Variants in EYS observed in about 807,000 individuals in gnomAD.
EYS encodes the protein EGF-like photoreceptor maintenance factor, also known as protein eyes shut homolog.
A neutral mutation model predicts 282.1 loss-of-function variants in EYS; 250 were observed. The observed-to-expected ratio is 0.89, with a 90% confidence interval of 0.80 to 0.98. The LOEUF (loss-of-function observed/expected upper bound fraction) is 0.98. Ranked by LOEUF, EYS falls within the 50% of genes least tolerant of loss-of-function variation. EYS has a pLI of 0.00. For synonymous variants in EYS, 1,355 were observed against 1,282.9 expected (o/e 1.06, Z -1.20); for missense variants, 4,016 against 3,709.0 (o/e 1.08, Z -2.15).
intron 14 of EYS, among the ~76,000 whole-genome samples, chr6:64,989,994 A>C (rs759904957): frequency 4.0e-5 from 6 of 151,216 alleles, no homozygotes; most frequent in Non-Finnish European, 5.9e-5. Context: ...AGGTACACAC[A>C]AATGTACAGG....
intron 13 of EYS, among the ~76,000 whole-genome samples, chr6:65,043,191 C>T (rs1772991074): frequency 6.6e-6 from 1 of 151,470 alleles, no homozygotes; most frequent in Admixed American, 6.6e-5. Context: ...ATATCTATTA[C>T]TTCATTTATC....
intron 26 of EYS, among the ~76,000 whole-genome samples, chr6:64,522,727 G>A (rs972683546): frequency 1.5e-4 from 22 of 151,702 alleles, no homozygotes; most frequent in Non-Finnish European, 2.1e-4. Context: ...ACATATTCAG[G>A]TCTTTTTGTT....
chr6:64,813,014 A>T (rs1008456148), intron 22 of EYS, among the ~76,000 whole-genome samples: 15 of 152,038 alleles, frequency 9.9e-5, no homozygotes, highest in African/African-American at 3.6e-4. Flanking sequence ...AACAGAAATG[A>T]ATCTCTGGCT....
chr6:64,281,510 T>C (rs540295767), intron 30 of EYS, among the ~76,000 whole-genome samples: 97 of 152,258 alleles, frequency 6.4e-4, no homozygotes, highest in African/African-American at 2.2e-3. Flanking sequence ...CAAGTATTTA[T>C]AGTAAAGACT....
chr6:64,910,038 A>C (rs1396549623), intron 16 of EYS, among the ~76,000 whole-genome samples: 1 of 152,166 alleles, frequency 6.6e-6, no homozygotes, highest in East Asian at 1.9e-4. Context: ...TCAGAAATAC[A>C]TACGCTGAAT....
At chr6:64,953,279 GA>G (rs527973453) in intron 14 of EYS, among the ~76,000 whole-genome samples, 4 of 151,354 alleles carry the variant, frequency 2.6e-5, no homozygotes, top group African/African-American at 7.3e-5. Context: ...GATATATACT[GA>G]AAAAAATAGA....
At chr6:65,302,261 AT>A (rs1369981505) in intron 11 of EYS, among the ~76,000 whole-genome samples, 1 of 151,904 alleles carries the variant, frequency 6.6e-6, no homozygotes, top group Non-Finnish European at 1.5e-5. Context: ...GAGGAGGAAA[AT>A]TTTTTCTGCT....
chr6:64,454,963 TTTG>T (rs1256837799), intron 26 of EYS, among the ~76,000 whole-genome samples: 1 of 152,222 alleles, frequency 6.6e-6, no homozygotes, highest in Admixed American at 6.5e-5. Context: ...ATCTTATTAA[TTTG>T]TTGCCATTTT....
chr6:64,146,394 T>G (rs1309886960), intron 31 of EYS, among the ~76,000 whole-genome samples: 1 of 152,132 alleles, frequency 6.6e-6, no homozygotes, highest in African/African-American at 2.4e-5. Flanking sequence ...ATAACATATT[T>G]AAAAGAAATA....
chr6:65,028,132 T>A (rs1260801160), intron 13 of EYS, among the ~76,000 whole-genome samples: 5 of 152,112 alleles, frequency 3.3e-5, no homozygotes, highest in Non-Finnish European at 7.4e-5. Context: ...GTGCTCATCA[T>A]GGAGTATTAA....
Position 64,590,679 on chromosome 6 carries a change from C to T in EYS, c.5188G>A (p.Gly1730Arg), listed in dbSNP as rs1766377107. 2.6e-6 allele frequency: 4 copies of T among 1,551,078 alleles called. No homozygotes were observed. The highest frequency in any genetic ancestry group is 2.0e-5 in the Admixed American group (1 of 50,952). ...ESLLDMEKSKGSHTLFKLHPS... is the reference protein window; with the variant it reads ...ESLLDMEKSKRSHTLFKLHPS... ...TGAAGTTTGAACAGTGTATGAGATC[C>T]TTTACTTTTTTCCATGTCCAATAAG... The change falls in exon 26 of 43, where the codon GGA becomes AGA. Residue 1730 changes from glycine to arginine, a missense_variant. Coordinates refer to ENST00000503581, the MANE Select transcript of EYS (RefSeq NM_001142800.2).
chr6:64,159,451 T>G (rs2150299998), intron 31 of EYS, among the ~76,000 whole-genome samples: 1 of 148,440 alleles, frequency 6.7e-6, no homozygotes, highest in Admixed American at 6.9e-5. Context: ...TCCCAGCTAC[T>G]CAGGAGGCTG....
intron 15 of EYS, among the ~76,000 whole-genome samples, chr6:64,913,657 T>C (rs975232451): frequency 3.3e-5 from 5 of 152,144 alleles, no homozygotes; most frequent in South Asian, 2.1e-4. Flanking sequence ...CAGTCCACCG[T>C]TGATAGACAG....
At chr6:65,119,683 A>G (rs1399249360) in intron 12 of EYS, among the ~76,000 whole-genome samples, 1 of 144,438 alleles carries the variant, frequency 6.9e-6, no homozygotes, top group Non-Finnish European at 1.5e-5. Flanking sequence ...TTCACATAAT[A>G]TTGAATCATT....
intron 29 of EYS, among the ~76,000 whole-genome samples, chr6:64,386,190 G>C (rs1772902945): frequency 6.6e-6 from 1 of 152,200 alleles, no homozygotes; most frequent in African/African-American, 2.4e-5. Context: ...GATTAGTGGT[G>C]ATGGCAAGCC....
chr6:65,622,442 A>G (rs970706826), intron 2 of EYS, among the ~76,000 whole-genome samples: 1 of 151,992 alleles, frequency 6.6e-6, no homozygotes, highest in Non-Finnish European at 1.5e-5. Context: ...TTCCATTATT[A>G]TTGTAATATT....
intron 33 of EYS, among the ~76,000 whole-genome samples, chr6:64,039,902 T>A (rs1484341592): frequency 1.3e-5 from 2 of 152,174 alleles, no homozygotes; most frequent in African/African-American, 4.8e-5. Context: ...GAATTAAACT[T>A]AATAACATAG....
chr6:64,162,299 A>G (rs1267897483), intron 31 of EYS, among the ~76,000 whole-genome samples: 2 of 152,148 alleles, frequency 1.3e-5, no homozygotes, highest in African/African-American at 4.8e-5. Flanking sequence ...TGTCATCTTC[A>G]CTGGACCATA....
chr6:65,631,484 A>G (rs1221349202), intron 2 of EYS, among the ~76,000 whole-genome samples: 4 of 151,968 alleles, frequency 2.6e-5, no homozygotes, highest in Non-Finnish European at 5.9e-5. Flanking sequence ...GGAAAAAAAA[A>G]AAAAAATCCT....
Sources: gnomAD v4.1 joint callset for allele counts (sites outside exome capture counted in the v4.1 genomes callset) on GRCh38, gnomAD v4.1.1 for gene constraint, MANE v1.5 for transcripts, NCBI Gene and HGNC (gene_info 2026-07-23, HGNC 2026-07-21) for gene names.